TMEM45B: variants seen among roughly 807,000 people sequenced by gnomAD.
The protein encoded by TMEM45B is transmembrane protein 45B.
TMEM45B carries 29 observed loss-of-function variants against 27.3 expected under a neutral mutation model. That is an observed-to-expected ratio of 1.06 (90% CI 0.79 to 1.45). The LOEUF (loss-of-function observed/expected upper bound fraction) is 1.45, where lower values mean the gene tolerates loss of function less well. Ranked by LOEUF, TMEM45B falls within the 40% of genes most tolerant of loss-of-function variation. TMEM45B has a pLI of 0.00. For missense variants in TMEM45B, 348 were observed against 343.9 expected (o/e 1.01, Z -0.09); for synonymous variants, 143 against 134.7 (o/e 1.06, Z -0.43).
intron 1 of TMEM45B, 27 bp downstream of exon 1, chr11:129,815,925 T>C (rs1440526090): frequency 1.6e-6 from 2 of 1,270,564 alleles, no homozygotes; most frequent in Non-Finnish European, 2.0e-6. Flanking sequence ...CGCAGGGGGC[T>C]CGAACCTGGA....
intron 1 of TMEM45B, among the ~76,000 whole-genome samples, chr11:129,821,387 C>A (rs959114217): frequency 1.3e-5 from 2 of 152,198 alleles, no homozygotes; most frequent in Non-Finnish European, 2.9e-5. Flanking sequence ...CCTCCACGGT[C>A]CCTGTCTGTT....
intron 1 of TMEM45B, among the ~76,000 whole-genome samples, chr11:129,847,594 C>A (rs1039833109): frequency 3.3e-5 from 5 of 150,470 alleles, no homozygotes; most frequent in Non-Finnish European, 7.4e-5. Context: ...TGACTCTTAA[C>A]GAGCATGCTG....
At chr11:129,843,581 T>C (rs1313509302) in intron 1 of TMEM45B, among the ~76,000 whole-genome samples, 5 of 149,456 alleles carry the variant, frequency 3.3e-5, no homozygotes, top group African/African-American at 1.2e-4. Flanking sequence ...TCAAAGAATG[T>C]AGGCAATAAA....
chr11:129,858,730 G>A lies in TMEM45B; in HGVS notation c.*45G>A. The A allele has an allele frequency of 7.1e-7, 1 of 1,415,852 alleles. No homozygotes were observed. The highest frequency in any genetic ancestry group is 9.7e-7 in the Non-Finnish European group (1 of 1,027,826). 87.7% of individuals were successfully genotyped at this position (1,415,852 alleles called of 1,614,324 possible). On this transcript the variant is annotated 3_prime_UTR_variant, in exon 6 of 6. Coordinates refer to ENST00000281441, the MANE Select transcript of TMEM45B (RefSeq NM_138788.5). ...AGATGTCCCACTGCACAGCTGGAATGAATGGAGTTCATCCCCTCCACCTGA... is the reference window on the plus strand; with the variant it reads ...AGATGTCCCACTGCACAGCTGGAATAAATGGAGTTCATCCCCTCCACCTGA...
intron 1 of TMEM45B, among the ~76,000 whole-genome samples, chr11:129,838,418 G>A (rs898073703): frequency 6.6e-6 from 1 of 152,114 alleles, no homozygotes; most frequent in African/African-American, 2.4e-5. Context: ...CAGAGCCCAA[G>A]TTGCCTGAAT....
In TMEM45B at chr11:129,857,444, T is replaced by C. The variant is rs369296652; in HGVS notation, c.702T>C (p.Tyr234=). 6 of 1,614,076 alleles carry C rather than the reference T, an allele frequency of 3.7e-6. No homozygotes were observed. Among genetic ancestry groups the C allele is most frequent in the African/African-American group, 1.3e-5 (1 of 74,940 alleles). Residue 234 remains tyrosine, a synonymous_variant, in exon 5 of 6, where the codon TAT becomes TAC. Transcript: ENST00000281441. Reference sequence around the variant, plus strand: ...CCCTCAGCATTGTGGCCGTCAACTATTCTCTTGTTTACTGGTATGTCTGAG... The same window carrying C: ...CCCTCAGCATTGTGGCCGTCAACTACTCTCTTGTTTACTGGTATGTCTGAG... ...LAALSIVAVN[Y]SLVYCLLTRM...
chr11:129,825,339 G>C (rs984618375), intron 1 of TMEM45B, among the ~76,000 whole-genome samples: 4 of 152,120 alleles, frequency 2.6e-5, no homozygotes, highest in African/African-American at 7.2e-5. Context: ...TGGCTTTCTG[G>C]GTGACTGGAC....
chr11:129,850,603 A>C (rs1342167480), intron 1 of TMEM45B: 1 of 152,234 alleles, frequency 6.6e-6, no homozygotes, highest in Non-Finnish European at 1.5e-5. Flanking sequence ...GACATAATTC[A>C]GGTAAGTTCT....
At position 129,855,300 on chromosome 11, in the gene TMEM45B, C is replaced by A. The variant is rs1463108186; in HGVS notation, c.386-408C>A. 1.6e-3 allele frequency among the ~76,000 whole-genome samples: 250 copies of A among 152,244 alleles called. 1 individual carries two copies. Among genetic ancestry groups the A allele is most frequent in the African/African-American group, 5.7e-3 (236 of 41,524 alleles). On this transcript the variant is annotated intron_variant, in intron 3 of 5. Transcript: ENST00000281441. ...AAGCCTCAGGAGACCCACTCCACTG[C>A]CAGGGGAGCGCTGCCAGTATGACTC... is the stretch of plus-strand genomic sequence containing the variant.
rs1480656658 is a variant in TMEM45B at position 129,854,766 on chromosome 11, T to C, written c.335T>C (p.Val112Ala). The change falls in exon 3 of 6, where the codon GTT (valine) becomes GCT (alanine). Residue 112 changes from valine (V) to alanine (A), a missense_variant. Val to Ala is a moderately conservative substitution (Grantham distance 64, BLOSUM62 0). Coordinates refer to ENST00000281441, the MANE Select transcript of TMEM45B (RefSeq NM_138788.5). ...VDMLTYLVSH[V>A]PLGVDRLVMA... Reference sequence around the variant, plus strand: ...ATGCTCACCTATCTGGTCAGCCACGTTCCCTTGGGGGTGGACAGACTGGTT... The same window carrying C: ...ATGCTCACCTATCTGGTCAGCCACGCTCCCTTGGGGGTGGACAGACTGGTT... 1 of 1,614,196 alleles carries C rather than the reference T, an allele frequency of 6.2e-7. No homozygotes were observed. The highest frequency in any genetic ancestry group is 1.7e-5 in the Admixed American group (1 of 60,036).
At chr11:129,844,626 G>T (rs1323282396) in intron 1 of TMEM45B, among the ~76,000 whole-genome samples, 1 of 152,180 alleles carries the variant, frequency 6.6e-6, no homozygotes, top group Non-Finnish European at 1.5e-5. Context: ...GTTCAGGGCT[G>T]CAGTGAACTA....
intron 1 of TMEM45B, among the ~76,000 whole-genome samples, chr11:129,849,950 C>G (rs894444445): frequency 1.3e-5 from 2 of 151,954 alleles, no homozygotes; most frequent in African/African-American, 2.4e-5. Context: ...GTCATTTTCC[C>G]GTTCTCTTGA....
intron 1 of TMEM45B, among the ~76,000 whole-genome samples, chr11:129,833,823 T>C (rs898954382): frequency 6.6e-6 from 1 of 152,020 alleles, no homozygotes; most frequent in Non-Finnish European, 1.5e-5. Context: ...AAGAAGACCA[T>C]TTGAAGAAAT....
At chr11:129,844,834 T>G (rs779305890) in intron 1 of TMEM45B, among the ~76,000 whole-genome samples, 2 of 152,214 alleles carry the variant, frequency 1.3e-5, no homozygotes, top group Non-Finnish European at 2.9e-5. Flanking sequence ...CATTTCACAA[T>G]GTATACATAT....
At chr11:129,820,914 G>A (rs541191324) in intron 1 of TMEM45B, among the ~76,000 whole-genome samples, 1 of 152,108 alleles carries the variant, frequency 6.6e-6, no homozygotes, top group South Asian at 2.1e-4. Context: ...TGCAGATACG[G>A]GCCATTTCTT....
intron 1 of TMEM45B, among the ~76,000 whole-genome samples, chr11:129,851,578 A>C (rs2135597996): frequency 6.7e-6 from 1 of 148,382 alleles, no homozygotes; most frequent in Non-Finnish European, 1.5e-5. Flanking sequence ...TCTTAATGCT[A>C]TCACCTTGGC....
chr11:129,852,027 T>C (rs942499307), intron 1 of TMEM45B, among the ~76,000 whole-genome samples: 6 of 152,260 alleles, frequency 3.9e-5, no homozygotes, highest in Non-Finnish European at 5.9e-5. Context: ...CTTTTTCTTA[T>C]CAATTTGTAA....
Position 129,852,507 on chromosome 11 carries a change from C to T in TMEM45B, c.25C>T (p.Leu9Phe). 6.2e-7 allele frequency: 1 copy of T among 1,608,296 alleles called. No homozygotes were observed. The highest frequency in any genetic ancestry group is 8.5e-7 in the Non-Finnish European group (1 of 1,175,188). The change falls in exon 2 of 6, where the codon CTT (leucine) becomes TTT (phenylalanine). Residue 9 changes from leucine to phenylalanine, a missense_variant. Physicochemically the swap from Leu to Phe is conservative, Grantham distance 22 (BLOSUM62 0). Transcript: ENST00000281441. Reference sequence around the variant, plus strand: ...GATGGCAAATTTCAAGGGCCACGCGCTTCCAGGGAGTTTCTTCCTGATCAT... The same window carrying T: ...GATGGCAAATTTCAAGGGCCACGCGTTTCCAGGGAGTTTCTTCCTGATCAT... MANFKGHALPGSFFLIIGL... is the reference protein window; with the variant it reads MANFKGHAFPGSFFLIIGL...
intron 1 of TMEM45B, among the ~76,000 whole-genome samples, chr11:129,828,854 G>C (rs1431513654): frequency 6.6e-6 from 1 of 152,216 alleles, no homozygotes; most frequent in South Asian, 2.1e-4. Context: ...ATGTTAAACA[G>C]TAATTCTGCC....
Sources: gnomAD v4.1 joint callset for allele counts (sites outside exome capture counted in the v4.1 genomes callset) on GRCh38, gnomAD v4.1.1 for gene constraint, MANE v1.5 for transcripts, NCBI Gene and HGNC (gene_info 2026-07-23, HGNC 2026-07-21) for gene names.